ARL3: variants seen among roughly 807,000 people sequenced by gnomAD.
ARL3 encodes the protein ARF like GTPase 3.
A neutral mutation model predicts 26.0 loss-of-function variants in ARL3; 9 were observed. The observed-to-expected ratio is 0.35, with a 90% CI of 0.21 to 0.60. The LOEUF is 0.60. Among genes scored for constraint, ARL3 ranks in the 20% least tolerant of loss-of-function variants. The pLI, the probability that ARL3 is intolerant of heterozygous loss-of-function variation, is 0.78. For synonymous variants in ARL3, 71 were observed against 78.4 expected (o/e 0.91, Z 0.50); for missense variants, 158 against 215.7 (o/e 0.73, Z 1.67).
At chr10:102,696,109 G>A (rs2064246047) in intron 3 of ARL3, among the ~76,000 whole-genome samples, 2 of 151,090 alleles carry the variant, frequency 1.3e-5, no homozygotes, top group South Asian at 2.1e-4. Context: ...GACTACAGGC[G>A]CCCGCCACCA....
intron 2 of ARL3, among the ~76,000 whole-genome samples, chr10:102,705,050 T>C (rs901266876): frequency 1.3e-5 from 2 of 152,190 alleles, no homozygotes; most frequent in African/African-American, 4.8e-5. Flanking sequence ...CACAGAACTC[T>C]TTCCATCTTG....
chr10:102,711,251 C>T (rs2064337220), intron 1 of ARL3, among the ~76,000 whole-genome samples: 1 of 151,970 alleles, frequency 6.6e-6, no homozygotes, highest in African/African-American at 2.4e-5. Flanking sequence ...GTTCCCACTT[C>T]ACCAGAGTCC....
At chr10:102,712,158 A>G (rs1006310166) in intron 1 of ARL3, among the ~76,000 whole-genome samples, 12 of 152,222 alleles carry the variant, frequency 7.9e-5, no homozygotes, top group Admixed American at 2.6e-4. Context: ...AGCTGACTCT[A>G]AATGTTCAGA....
chr10:102,702,020 CAAA>C (rs34993485), intron 2 of ARL3, among the ~76,000 whole-genome samples: 2,550 of 117,676 alleles, frequency 0.022, 45 homozygotes, highest in Middle Eastern at 0.054. Flanking sequence ...CCATCTCTAC[CAAA>C]AAAAAAAAAA....
At chr10:102,694,879 C>T (rs990510635) in intron 3 of ARL3, among the ~76,000 whole-genome samples, 12 of 152,134 alleles carry the variant, frequency 7.9e-5, no homozygotes, top group African/African-American at 1.2e-4. Context: ...CCACTACACC[C>T]GGCTAATTTT....
rs1380548238 is a variant in ARL3 at position 102,673,825 on chromosome 10, T to C, written c.*3069A>G. On this transcript the variant is annotated 3_prime_UTR_variant, in exon 6 of 6. Coordinates refer to ENST00000260746, the MANE Select transcript of ARL3 (RefSeq NM_004311.4). ...TGACCAAACACCACATCTCTTCCTTTGATTATCATTTTCAAAAGGGATTAT... is the reference window on the plus strand; with the variant it reads ...TGACCAAACACCACATCTCTTCCTTCGATTATCATTTTCAAAAGGGATTAT... The C allele has an allele frequency of 6.6e-6, 1 of 152,176 alleles. No homozygotes were observed. The highest frequency in any genetic ancestry group is 2.4e-5 in the African/African-American group (1 of 41,428). 9.4% of individuals were successfully genotyped at this position (152,176 alleles called of 1,614,324 possible). A position where few individuals can be genotyped will look rare whatever the true frequency, so the allele number is the denominator to read the frequency against.
Position 102,676,791 on chromosome 10 carries a change from G to T in ARL3, c.*103C>A. ...TGTTCCCTCTCTTCAAACAGCTGGA[G>T]CTGTACACAGATGGAAAAACATTTG... On this transcript the variant is annotated 3_prime_UTR_variant, in exon 6 of 6. Coordinates refer to ENST00000260746, the MANE Select transcript of ARL3 (RefSeq NM_004311.4). 2 of 1,210,760 alleles carry T rather than the reference G, an allele frequency of 1.7e-6. No homozygotes were observed. The highest frequency in any genetic ancestry group is 2.4e-6 in the Non-Finnish European group (2 of 830,674). 75.0% of individuals were successfully genotyped at this position (1,210,760 alleles called of 1,614,324 possible).
intron 2 of ARL3, among the ~76,000 whole-genome samples, chr10:102,700,177 G>A (rs1441222629): frequency 2.0e-5 from 3 of 152,156 alleles, no homozygotes; most frequent in East Asian, 1.9e-4. Context: ...CTGGGAGGCC[G>A]AGGCGGATGG....
chr10:102,698,646 C>T (rs1472937912), intron 3 of ARL3, among the ~76,000 whole-genome samples: 1 of 152,134 alleles, frequency 6.6e-6, no homozygotes, highest in Non-Finnish European at 1.5e-5. Context: ...TGTAAGTGGA[C>T]AGTGAAATCT....
chr10:102,705,454 T>C lies in ARL3; in HGVS notation c.39A>G (p.Ala13=). 6.2e-7 allele frequency: 1 copy of C among 1,605,632 alleles called. No individual in the cohort carries two copies. The highest frequency in any genetic ancestry group is 1.1e-5 in the South Asian group (1 of 90,712). Residue 13 remains alanine (A), a synonymous_variant, in exon 2 of 6, where the codon GCA becomes GCG. Coordinates refer to ENST00000260746, the MANE Select transcript of ARL3 (RefSeq NM_004311.4). ...GAAGTATTCTCACCTCCTGGTCTGG[T>C]GCACTTTTCAACTTGCGCAAAATTG... ...LLSILRKLKS[A]PDQEVRILLL...
intron 3 of ARL3, among the ~76,000 whole-genome samples, chr10:102,691,493 G>A (rs2064217160): frequency 6.6e-6 from 1 of 152,096 alleles, no homozygotes. Context: ...GTAAACAAAT[G>A]TATGTGGCTA....
At chr10:102,710,055 T>C (rs746741079) in intron 1 of ARL3, among the ~76,000 whole-genome samples, 1 of 152,128 alleles carries the variant, frequency 6.6e-6, no homozygotes, top group Non-Finnish European at 1.5e-5. Context: ...ATTCTAACTA[T>C]AGATAAACTT....
rs1336605220 is a variant in ARL3, at chr10:102,676,921, G to A, written c.522C>T (p.Cys174=). The A allele has an allele frequency of 6.2e-7, 1 of 1,614,146 alleles. No homozygotes were observed. Among genetic ancestry groups the A allele is most frequent in the East Asian group, 2.2e-5 (1 of 44,886 alleles). ...ATTTCTTCTTTGCATTGACATTTTT[G>A]CAGACCCAGTTCATGCCATCCTTTG... ...EGVQDGMNWV[C]KNVNAKKK Residue 174 remains cysteine (C), a synonymous_variant, in exon 6 of 6, where the codon TGC becomes TGT. Transcript: ENST00000260746.
intron 4 of ARL3, 30 bp from the exon 5 acceptor site, chr10:102,686,031 G>T (rs976174264): frequency 4.5e-6 from 7 of 1,568,440 alleles, no homozygotes; most frequent in Non-Finnish European, 6.1e-6. Flanking sequence ...AGGGAGGGAA[G>T]GTTAAAATCT....
chr10:102,708,886 T>TAATATATATATATATATATATATATATA (rs60736499), intron 1 of ARL3, among the ~76,000 whole-genome samples: 6 of 90,478 alleles, frequency 6.6e-5, no homozygotes, highest in African/African-American at 2.4e-4. Context: ...AAACCATATA[T>TAATATATATATATATATATATATATATA]TATATATATA....
rs763854034 is a variant in ARL3 at position 102,714,302 on chromosome 10, C to G, written c.-27G>C. ...CTCCCGCCGAGTCCCTCCTCCTCCT[C>G]CTCCTCCTGCTGCCTCCCCCGTTAC... On this transcript the variant is annotated 5_prime_UTR_variant, in exon 1 of 6. Coordinates refer to ENST00000260746, the MANE Select transcript of ARL3 (RefSeq NM_004311.4). 3 of 1,311,524 alleles carry G rather than the reference C, an allele frequency of 2.3e-6. No homozygotes were observed. The highest frequency in any genetic ancestry group is 2.9e-6 in the Non-Finnish European group (3 of 1,021,992). The allele number at this position is 1,311,524 out of a possible 1,614,324, so 81.2% of individuals were successfully genotyped here. A position where few individuals can be genotyped will look rare whatever the true frequency, so the allele number is the denominator to read the frequency against.
At chr10:102,699,189 T>A (rs149135436) in intron 3 of ARL3, among the ~76,000 whole-genome samples, 184 bp downstream of exon 3, 1 of 152,336 alleles carries the variant, frequency 6.6e-6, no homozygotes, top group Admixed American at 6.5e-5. Flanking sequence ...CAGCAAAACA[T>A]CTTATACAAG....
rs768616247 is a variant in ARL3 at position 102,676,849 on chromosome 10, C to T, written c.*45G>A. 6.2e-7 allele frequency: 1 copy of T among 1,601,504 alleles called. No homozygotes were observed. Among genetic ancestry groups the T allele is most frequent in the African/African-American group, 1.3e-5 (1 of 74,776 alleles). On this transcript the variant is annotated 3_prime_UTR_variant, in exon 6 of 6. Transcript: ENST00000260746. Reference sequence around the variant, plus strand: ...AGCAGCAAATTAGTGTTTTTCAGGACCGAATTCGGCTCCCGCAGCTCCTGC... The same window carrying T: ...AGCAGCAAATTAGTGTTTTTCAGGATCGAATTCGGCTCCCGCAGCTCCTGC...
intron 1 of ARL3, among the ~76,000 whole-genome samples, chr10:102,707,749 C>T (rs2064316973): frequency 1.3e-5 from 2 of 152,174 alleles, no homozygotes; most frequent in Non-Finnish European, 2.9e-5. Context: ...TACTGACTTG[C>T]TAAGGACCAC....
Sources: allele counts gnomAD v4.1 joint callset (sites outside exome capture counted in the v4.1 genomes callset), GRCh38; gene constraint gnomAD v4.1.1; transcripts MANE v1.5; gene names NCBI Gene and HGNC (gene_info 2026-07-23, HGNC 2026-07-21).